Variants in SASH1 observed in about 807,000 individuals in gnomAD.
SASH1 encodes SAM and SH3 domain containing 1, also known as SAM and SH3 domain-containing protein 1.
Under a neutral mutation model 125.2 loss-of-function variants are expected in SASH1, and 44 were observed. That is an observed-to-expected ratio of 0.35 (90% CI 0.28 to 0.45). The LOEUF is 0.45. Ranked by LOEUF, SASH1 falls within the 20% of genes least tolerant of loss-of-function variation. The pLI is 1.00. For missense variants in SASH1, 1,426 were observed against 1,614.5 expected (o/e 0.88, Z 2.00); for synonymous variants, 639 against 649.1 (o/e 0.98, Z 0.24).
chr6:148,540,064 G>T (rs1021301282), intron 16 of SASH1, among the ~76,000 whole-genome samples: 1 of 152,134 alleles, frequency 6.6e-6, no homozygotes, highest in Non-Finnish European at 1.5e-5. Flanking sequence ...TGAATGGGGC[G>T]TTTATTCTTT....
chr6:148,233,722 T>G, the SASH1 span, among the ~76,000 whole-genome samples: 1 of 94,280 alleles, frequency 1.1e-5, no homozygotes, highest in Non-Finnish European at 2.2e-5. Flanking sequence ...CAGGGAGCTA[T>G]GATGGCAGCT....
chr6:148,474,840 G>C (rs1408481602), intron 7 of SASH1, among the ~76,000 whole-genome samples: 1 of 152,132 alleles, frequency 6.6e-6, no homozygotes, highest in Non-Finnish European at 1.5e-5. Flanking sequence ...CCAACATGTT[G>C]GAATTACAGG....
At chr6:148,537,301 C>A (rs1432176197) in intron 16 of SASH1, among the ~76,000 whole-genome samples, 1 of 152,178 alleles carries the variant, frequency 6.6e-6, no homozygotes, top group Non-Finnish European at 1.5e-5. Context: ...TGCCAGCCAT[C>A]ATATAGGGTT....
At chr6:148,505,045 G>A (rs1779724499) in intron 8 of SASH1, among the ~76,000 whole-genome samples, 1 of 152,150 alleles carries the variant, frequency 6.6e-6, no homozygotes, top group African/African-American at 2.4e-5. Flanking sequence ...TATTTCACAT[G>A]GAACGAGGGC....
chr6:148,411,629 T>C (rs369094280), intron 2 of SASH1, among the ~76,000 whole-genome samples: 16 of 152,318 alleles, frequency 1.1e-4, no homozygotes, highest in African/African-American at 3.4e-4. Flanking sequence ...CTGCAACCTT[T>C]GCCTCCCGGG....
At chr6:148,222,790 C>G in the SASH1 span, among the ~76,000 whole-genome samples, 3 of 151,908 alleles carry the variant, frequency 2.0e-5, no homozygotes, top group East Asian at 5.8e-4. Flanking sequence ...CTCTCTCTCT[C>G]TCTCTCTCTC....
chr6:148,209,738 C>T, the SASH1 span, among the ~76,000 whole-genome samples: 2 of 152,280 alleles, frequency 1.3e-5, no homozygotes, highest in Non-Finnish European at 2.9e-5. Flanking sequence ...CTCCTCAACC[C>T]GTATGCCTCC....
chr6:148,438,725 CAAAA>C (rs60769463), intron 2 of SASH1, among the ~76,000 whole-genome samples: 17 of 96,414 alleles, frequency 1.8e-4, no homozygotes, highest in South Asian at 3.8e-4. Flanking sequence ...TTCATTGTGG[CAAAA>C]AAAAAAAAAA....
intron 2 of SASH1, among the ~76,000 whole-genome samples, chr6:148,412,265 A>T (rs1408889775): frequency 6.6e-6 from 1 of 152,106 alleles, no homozygotes; most frequent in African/African-American, 2.4e-5. Context: ...TTTAGCACTT[A>T]GTGTTTGTTT....
chr6:148,370,618 T>C (rs1782669801), intron 1 of SASH1, among the ~76,000 whole-genome samples: 1 of 152,002 alleles, frequency 6.6e-6, no homozygotes, highest in Admixed American at 6.6e-5. Flanking sequence ...GGTCAGGAGA[T>C]CGAGACCATC....
intron 1 of SASH1, among the ~76,000 whole-genome samples, chr6:148,378,776 C>T (rs1164701197): frequency 6.6e-6 from 1 of 152,194 alleles, no homozygotes; most frequent in African/African-American, 2.4e-5. Flanking sequence ...CACTGTTCAG[C>T]CTCTTCCATG....
At chr6:148,238,599 A>G in the SASH1 span, among the ~76,000 whole-genome samples, 1 of 142,966 alleles carries the variant, frequency 7.0e-6, no homozygotes, top group East Asian at 2.1e-4. Context: ...CCTGTCCCTA[A>G]TGTGTGTATG....
At chr6:148,503,528 C>A (rs901131354) in intron 8 of SASH1, among the ~76,000 whole-genome samples, 12 of 152,184 alleles carry the variant, frequency 7.9e-5, no homozygotes, top group Admixed American at 2.6e-4. Context: ...TCAAAACATA[C>A]AGCTTTAAAA....
intron 2 of SASH1, among the ~76,000 whole-genome samples, chr6:148,428,563 A>G (rs1775922389): frequency 7.2e-6 from 1 of 139,760 alleles, no homozygotes; most frequent in Non-Finnish European, 1.5e-5. Context: ...TGAGAGGCGG[A>G]GGTTGCAGTG....
rs1440436458 is a variant in SASH1 at position 148,519,079 on chromosome 6, G to A, written c.863-468G>A. Among the ~76,000 whole-genome samples, 2 of 152,186 alleles carry A rather than the reference G, an allele frequency of 1.3e-5. No individual in the cohort carries two copies. Among genetic ancestry groups the A allele is most frequent in the East Asian group, 3.8e-4 (2 of 5,198 alleles). ...AGATTTAGTCACTCAAATGGCATAT[G>A]TACCAATAAAACAATCACTGTCAGC... On this transcript the variant is annotated intron_variant, in intron 9 of 19. Coordinates refer to ENST00000367467, the MANE Select transcript of SASH1 (RefSeq NM_015278.5). The surrounding 1 kb of genome is among the most constrained non-coding windows in gnomAD (Gnocchi z 4.8).
intron 1 of SASH1, among the ~76,000 whole-genome samples, chr6:148,376,312 A>G (rs1782888943): frequency 6.6e-6 from 1 of 152,056 alleles, no homozygotes; most frequent in Non-Finnish European, 1.5e-5. Flanking sequence ...CAAGTGATTC[A>G]TCCACCTGGG....
At chr6:148,423,099 C>G (rs1421972659) in intron 2 of SASH1, among the ~76,000 whole-genome samples, 1 of 152,128 alleles carries the variant, frequency 6.6e-6, no homozygotes, top group Non-Finnish European at 1.5e-5. Flanking sequence ...CCACCACGCC[C>G]AGCTAATTTT....
rs527934843 is a variant in SASH1, at chr6:148,544,294, G to T, written c.2824G>T (p.Gly942Cys). 1 of 1,614,066 alleles carries T rather than the reference G, an allele frequency of 6.2e-7. No homozygotes were observed. The highest frequency in any genetic ancestry group is 1.3e-5 in the African/African-American group (1 of 75,012). ...YDAQPPGAKH[G>C]LARTPLEGHR... is the part of the protein sequence containing the mutation. ...TGCTCAGCCTCCTGGAGCTAAACAC[G>T]GTTTAGCAAGGACGCCTCTGGAGGG... The change falls in exon 18 of 20, where the codon GGT becomes TGT. Residue 942 changes from glycine to cysteine, a missense_variant. Coordinates refer to ENST00000367467, the MANE Select transcript of SASH1 (RefSeq NM_015278.5). This position sits in a 1 kb window ranked among gnomAD's most constrained non-coding sequence, Gnocchi z 6.4.
intron 19 of SASH1, among the ~76,000 whole-genome samples, chr6:148,547,070 G>A (rs532162456): frequency 6.6e-6 from 1 of 152,188 alleles, no homozygotes; most frequent in South Asian, 2.1e-4. Context: ...GTAGGTCTTA[G>A]GAACCTCAGC....
Sources: allele counts gnomAD v4.1 joint callset (sites outside exome capture counted in the v4.1 genomes callset), GRCh38; gene constraint gnomAD v4.1.1; non-coding constraint Gnocchi (gnomAD v3.1); transcripts MANE v1.5; gene names NCBI Gene and HGNC (gene_info 2026-07-23, HGNC 2026-07-21).